The following PPP2R1B variants were observed in gnomAD, a reference collection of about 807,000 sequenced individuals.
The protein encoded by PPP2R1B is protein phosphatase 2 scaffold subunit Abeta, also known as serine/threonine-protein phosphatase 2A 65 kDa regulatory subunit A beta isoform.
Under a neutral mutation model 72.7 loss-of-function variants are expected in PPP2R1B, and 58 were observed. The observed-to-expected ratio is 0.80, with a 90% confidence interval of 0.65 to 0.99. The LOEUF is 0.99. PPP2R1B is among the 50% of genes least tolerant of loss of function. PPP2R1B has a pLI of 0.00. For missense variants in PPP2R1B, 695 were observed against 733.6 expected (o/e 0.95, Z 0.61); for synonymous variants, 256 against 264.6 (o/e 0.97, Z 0.32).
At position 111,738,850 on chromosome 11, in the gene PPP2R1B, C is replaced by T. The variant is rs1161835912; in HGVS notation, c.*2746G>A. 3 of 983,590 alleles carry T rather than the reference C, an allele frequency of 3.1e-6. No homozygotes were observed. The African/African-American group carries it at 5.3e-5, about 17-fold the overall frequency. 60.9% of individuals were successfully genotyped at this position (983,590 alleles called of 1,614,324 possible). A position where few individuals can be genotyped will look rare whatever the true frequency, so the allele number is the denominator to read the frequency against. ...AACACCAAGGTGAATTCCACTGTTG[C>T]TGAGACATTTTTATTGGCATAGGTT... On this transcript the variant is annotated 3_prime_UTR_variant, in exon 15 of 15. Transcript: ENST00000527614.
At chr11:111,766,035 G>A in intron 1 of PPP2R1B, 1 of 601,924 alleles carries the variant, frequency 1.7e-6, no homozygotes, top group Non-Finnish European at 3.0e-6. Flanking sequence ...ACGCCTCAGG[G>A]GGTCCGAAGC....
At chr11:111,730,144 C>A (rs951777069) in intron 15 of PPP2R1B, 1 of 152,232 alleles carries the variant, frequency 6.6e-6, no homozygotes, top group African/African-American at 2.4e-5. Context: ...TGACTTAATA[C>A]TCTGTCTTTT....
the PPP2R1B span, chr11:111,712,138 A>C: frequency 7.1e-7 from 1 of 1,409,854 alleles, no homozygotes; most frequent in South Asian, 1.3e-5. Context: ...GAATTATTTT[A>C]TTCTTAGAAC....
chr11:111,734,311 G>A (rs911144943), downstream of PPP2R1B, among the ~76,000 whole-genome samples: 1 of 152,210 alleles, frequency 6.6e-6, no homozygotes, highest in African/African-American at 2.4e-5. Context: ...TAAGAACTGG[G>A]AACTCTGCCC....
downstream of PPP2R1B, chr11:111,721,924 T>G: frequency 6.2e-7 from 1 of 1,607,344 alleles, no homozygotes; most frequent in Non-Finnish European, 8.5e-7. Flanking sequence ...ACCCAGTACC[T>G]GCAGCACAGA....
In PPP2R1B at chr11:111,739,530, G is replaced by C; in HGVS notation, c.*2066C>G. ...CCCGCTGAACCCCCGACCCATGCTT[G>C]AGAAAGCCAGGGCCCACTCTCCCTC... On this transcript the variant is annotated 3_prime_UTR_variant, in exon 15 of 15. Transcript: ENST00000527614. The C allele has an allele frequency of 9.1e-6, 9 of 985,422 alleles. No homozygotes were observed. Among genetic ancestry groups the C allele is most frequent in the Non-Finnish European group, 1.1e-5 (9 of 829,948 alleles). The allele number at this position is 985,422 out of a possible 1,614,324, so 61.0% of individuals were successfully genotyped here.
rs782306093 is a variant in PPP2R1B at position 111,755,414 on chromosome 11, T to C, written c.724A>G (p.Ser242Gly). ...TCCTGAGACAATAACTGGGCAATAC[T>C]GACACAAGCTTCCACAGCAAGGAGG... ...VRLLAVEACV[S>G]IAQLLSQDDL... The change falls in exon 6 of 15, where the codon AGT becomes GGT. Residue 242 changes from serine to glycine, a missense_variant. Transcript: ENST00000527614. The C allele has an allele frequency of 3.1e-6, 5 of 1,610,176 alleles. No individual in the cohort carries two copies. Among genetic ancestry groups the C allele is most frequent in the Admixed American group, 1.7e-5 (1 of 58,814 alleles).
chr11:111,697,055 C>G, the PPP2R1B span, among the ~76,000 whole-genome samples: 1 of 152,176 alleles, frequency 6.6e-6, no homozygotes, highest in Non-Finnish European at 1.5e-5. Flanking sequence ...TCAAAAATAA[C>G]TATTTTTGAC....
At chr11:111,748,997 G>A (rs1462076593) in intron 10 of PPP2R1B, among the ~76,000 whole-genome samples, 1 of 151,574 alleles carries the variant, frequency 6.6e-6, no homozygotes, top group African/African-American at 2.4e-5. Context: ...CAGATATGCA[G>A]CACATGCCCA....
At chr11:111,726,923 G>A (rs368731172) in exon 16 of PPP2R1B, 27 of 1,592,530 alleles carry the variant, frequency 1.7e-5, no homozygotes, top group Non-Finnish European at 2.3e-5. Flanking sequence ...TGCAATATGT[G>A]TGGTACTTTA....
chr11:111,737,593 G>A (rs745733309), downstream of PPP2R1B: 30 of 1,613,924 alleles, frequency 1.9e-5, no homozygotes, highest in Admixed American at 4.8e-4. Context: ...CAGTGGCGCT[G>A]TAACTGTCCC....
At chr11:111,746,389 G>C (rs920191670) in intron 11 of PPP2R1B, among the ~76,000 whole-genome samples, 1 of 152,070 alleles carries the variant, frequency 6.6e-6, no homozygotes, top group Non-Finnish European at 1.5e-5. Context: ...AAACCAAACA[G>C]TACATGTTCT....
At chr11:111,743,690 A>G (rs1240372973) in intron 11 of PPP2R1B, among the ~76,000 whole-genome samples, 160 bp from the exon 12 acceptor site, 2 of 152,110 alleles carry the variant, frequency 1.3e-5, no homozygotes, top group Non-Finnish European at 2.9e-5. Flanking sequence ...CTCAGCTCCA[A>G]CTCAGTTTCC....
At position 111,739,217 on chromosome 11, in the gene PPP2R1B, G is replaced by T. The variant is rs551906975; in HGVS notation, c.*2379C>A. ...TATTGAGCACCTATTATGTGCACCA[G>T]ACACTGTTCCAGGCACTGGCGATAC... On this transcript the variant is annotated 3_prime_UTR_variant, in exon 15 of 15. Coordinates refer to ENST00000527614, the MANE Select transcript of PPP2R1B (RefSeq NM_002716.5). 43 of 977,424 alleles carry T rather than the reference G, an allele frequency of 4.4e-5. No homozygotes were observed. In the East Asian group the frequency reaches 3.9e-3, roughly 88 times the overall value. 60.5% of individuals were successfully genotyped at this position (977,424 alleles called of 1,614,324 possible).
the PPP2R1B span, among the ~76,000 whole-genome samples, chr11:111,718,177 A>G: frequency 6.6e-6 from 1 of 152,224 alleles, no homozygotes; most frequent in Non-Finnish European, 1.5e-5. Context: ...ATAGATAATT[A>G]ATTAATGATC....
chr11:111,757,875 C>T (rs921736942), intron 5 of PPP2R1B, among the ~76,000 whole-genome samples: 7 of 151,818 alleles, frequency 4.6e-5, no homozygotes, highest in African/African-American at 9.7e-5. Flanking sequence ...TCCAGAACTT[C>T]GTTTTCTCTC....
the PPP2R1B span, chr11:111,703,505 A>G: frequency 8.0e-7 from 1 of 1,247,288 alleles, no homozygotes; most frequent in Non-Finnish European, 1.2e-6. Flanking sequence ...CTGGTCTTTT[A>G]GCACATGTAT....
intron 5 of PPP2R1B, among the ~76,000 whole-genome samples, chr11:111,756,223 GAA>G (rs201724599): frequency 1.4e-5 from 2 of 142,160 alleles, no homozygotes; most frequent in South Asian, 4.5e-4. Flanking sequence ...AAACAAAAAG[GAA>G]AAAAAAAAAA....
At chr11:111,697,854 A>G in the PPP2R1B span, among the ~76,000 whole-genome samples, 1 of 152,080 alleles carries the variant, frequency 6.6e-6, no homozygotes, top group African/African-American at 2.4e-5. Context: ...AAAAAAGGAA[A>G]AAAAAATTAG....
Sources: allele counts gnomAD v4.1 joint callset (sites outside exome capture counted in the v4.1 genomes callset), GRCh38; gene constraint gnomAD v4.1.1; transcripts MANE v1.5; gene names NCBI Gene and HGNC (gene_info 2026-07-23, HGNC 2026-07-21).